PODNL1: variants seen among roughly 807,000 people sequenced by gnomAD.
PODNL1 encodes the protein podocan-like protein 1.
Under a neutral mutation model 45.1 loss-of-function variants are expected in PODNL1, and 50 were observed. That is an observed-to-expected ratio of 1.11 (90% CI 0.88 to 1.40). PODNL1 has a LOEUF of 1.40. Among genes scored for constraint, PODNL1 ranks in the 40% most tolerant of loss-of-function variants. PODNL1 has a pLI of 0.00. For synonymous variants in PODNL1, 406 were observed against 372.5 expected (o/e 1.09, Z -1.04); for missense variants, 788 against 793.3 (o/e 0.99, Z 0.08).
Position 13,933,462 on chromosome 19 carries a change from G to A in PODNL1, c.768-7C>T. On this transcript the variant is annotated splice_region_variant and splice_polypyrimidine_tract_variant and intron_variant, in intron 7 of 9. Coordinates refer to ENST00000588872, the MANE Select transcript of PODNL1 (RefSeq NM_001370095.3). The surrounding 1 kb of genome is among the most constrained non-coding windows in gnomAD (Gnocchi z 5.2). ...TTCAAGGCTATGCAGCTTGCTGGAA[G>A]GAGAGAGGGTCGGTGTTAGGTGGGG... The A allele has an allele frequency of 1.3e-6, 2 of 1,550,976 alleles. No individual in the cohort carries two copies. The highest frequency in any genetic ancestry group is 1.7e-6 in the Non-Finnish European group (2 of 1,149,888).
At chr19:13,934,027 T>TG in intron 6 of PODNL1, 34 bp from the exon 7 acceptor site, 4 of 1,557,070 alleles carry the variant, frequency 2.6e-6, no homozygotes, top group Non-Finnish European at 3.5e-6. Flanking sequence ...GACTTGAGTC[T>TG]GGGATGAGGG....
At chr19:13,943,927 C>A (rs964411371) in intron 1 of PODNL1, among the ~76,000 whole-genome samples, 3 of 152,076 alleles carry the variant, frequency 2.0e-5, no homozygotes, top group East Asian at 1.9e-4. Flanking sequence ...ATCTACCTAT[C>A]TATTTGAGGG....
At chr19:13,944,311 G>A (rs1267495850) in intron 1 of PODNL1, among the ~76,000 whole-genome samples, 10 of 151,662 alleles carry the variant, frequency 6.6e-5, no homozygotes, top group African/African-American at 7.3e-5. Flanking sequence ...ACAGGCACCC[G>A]CCACCATGCC....
At chr19:13,951,081 G>T (rs1973002847) in intron 1 of PODNL1, among the ~76,000 whole-genome samples, 1 of 148,454 alleles carries the variant, frequency 6.7e-6, no homozygotes, top group Non-Finnish European at 1.5e-5. Flanking sequence ...GATATGTTGT[G>T]ATATTGTGTT....
In PODNL1 at chr19:13,953,223, C is replaced by T. The variant is rs1031543803; in HGVS notation, c.-87G>A. 4 of 1,297,690 alleles carry T rather than the reference C, an allele frequency of 3.1e-6. No homozygotes were observed. The African/African-American group carries it at 4.7e-5, about 15-fold the overall frequency. 80.4% of individuals were successfully genotyped at this position (1,297,690 alleles called of 1,614,324 possible). A position where few individuals can be genotyped will look rare whatever the true frequency, so the allele number is the denominator to read the frequency against. On this transcript the variant is annotated 5_prime_UTR_variant, in exon 1 of 8. Coordinates refer to the PODNL1 transcript ENST00000538371. ...AGCAGGCTCTGTCTCCTCCATCAGACTGGAAACTCCCAGAGCTGGGGGATG... is the reference window on the plus strand; with the variant it reads ...AGCAGGCTCTGTCTCCTCCATCAGATTGGAAACTCCCAGAGCTGGGGGATG...
intron 1 of PODNL1, among the ~76,000 whole-genome samples, chr19:13,950,522 T>C (rs1200842451): frequency 6.6e-6 from 1 of 152,176 alleles, no homozygotes; most frequent in Non-Finnish European, 1.5e-5. Context: ...TCTGATGTTG[T>C]CTAATGGTTA....
In PODNL1 at chr19:13,933,555, G is replaced by A. The variant is rs560575571; in HGVS notation, c.768-100C>T. The A allele has an allele frequency of 3.1e-6, 4 of 1,307,492 alleles. No homozygotes were observed. Among genetic ancestry groups the A allele is most frequent in the South Asian group, 3.0e-5 (2 of 67,276 alleles). The allele number at this position is 1,307,492 out of a possible 1,614,324, so 81.0% of individuals were successfully genotyped here. ...GGGAGTGGTCCTGAGACAGATTTAAGCTGGAGATTTTGACTTGGGAGTGAT... is the reference window on the plus strand; with the variant it reads ...GGGAGTGGTCCTGAGACAGATTTAAACTGGAGATTTTGACTTGGGAGTGAT... On this transcript the variant is annotated intron_variant, in intron 7 of 9. Coordinates refer to ENST00000588872, the MANE Select transcript of PODNL1 (RefSeq NM_001370095.3). This position sits in a 1 kb window ranked among gnomAD's most constrained non-coding sequence, Gnocchi z 5.2.
At chr19:13,939,662 G>A (rs1053064353), upstream of PODNL1, among the ~76,000 whole-genome samples, 8 of 152,090 alleles carry the variant, frequency 5.3e-5, no homozygotes, top group South Asian at 4.2e-4. Flanking sequence ...TTAGGCAGGC[G>A]GATCACCTGA....
chr19:13,944,228 C>T (rs1382534739), intron 1 of PODNL1, among the ~76,000 whole-genome samples: 6 of 144,400 alleles, frequency 4.2e-5, no homozygotes, highest in Admixed American at 6.9e-5. Context: ...GGCGCAATCT[C>T]GGCGGCTCAC....
chr19:13,952,410 T>A, intron 1 of PODNL1: 1 of 1,229,196 alleles, frequency 8.1e-7, no homozygotes. Context: ...GTGCGGGCTT[T>A]CGCCCAACCG....
chr19:13,942,443 T>C (rs1331173871), upstream of PODNL1, among the ~76,000 whole-genome samples: 1 of 152,140 alleles, frequency 6.6e-6, no homozygotes, highest in African/African-American at 2.4e-5. Context: ...GCCAGAGGGA[T>C]GGAATGTGCT....
chr19:13,933,155 C>T lies in PODNL1; in HGVS notation c.1068G>A (p.Leu356=). Residue 356 remains leucine (L), a synonymous_variant, in exon 8 of 10, where the codon CTG becomes CTA. Transcript: ENST00000588872. This position sits in a 1 kb window ranked among gnomAD's most constrained non-coding sequence, Gnocchi z 5.2. ...PPALPRRLRA[L]VLPHNHVAAL... ...CGGCCACGTGGTTGTGGGGCAGCAC[C>T]AGGGCACGCAGGCGGCGGGGCAGGG... is the stretch of plus-strand genomic sequence containing the variant. 1 of 1,530,748 alleles carries T rather than the reference C, an allele frequency of 6.5e-7. No homozygotes were observed. The highest frequency in any genetic ancestry group is 8.7e-7 in the Non-Finnish European group (1 of 1,143,694). 94.8% of individuals were successfully genotyped at this position (1,530,748 alleles called of 1,614,324 possible).
At chr19:13,948,267 C>A in intron 1 of PODNL1, among the ~76,000 whole-genome samples, 1 of 150,758 alleles carries the variant, frequency 6.6e-6, no homozygotes, top group Middle Eastern at 3.4e-3. Context: ...GGCGCAATCT[C>A]GGCTCACTGC....
intron 8 of PODNL1, chr19:13,932,480 G>A: frequency 1.6e-6 from 1 of 631,812 alleles, no homozygotes; most frequent in Non-Finnish European, 2.6e-6. Flanking sequence ...TCCTGCCTCA[G>A]CCTCCTGAAT....
Position 13,938,213 on chromosome 19 carries a change from C to A in PODNL1, c.-32G>T, listed in dbSNP as rs1311451650. 13 of 1,607,038 alleles carry A rather than the reference C, an allele frequency of 8.1e-6. No individual in the cohort carries two copies. The highest frequency in any genetic ancestry group is 5.0e-5 in the Admixed American group (3 of 59,424). On this transcript the variant is annotated 5_prime_UTR_variant, in exon 1 of 10. Transcript: ENST00000588872. Reference sequence around the variant, plus strand: ...CCCTGACTCTGCCATCTCGCCCAAGCTGCTGACCAGGACTTCCTAATGGAA... The same window carrying A: ...CCCTGACTCTGCCATCTCGCCCAAGATGCTGACCAGGACTTCCTAATGGAA...
rs1276467112 is a variant in PODNL1 at position 13,933,881 on chromosome 19, A to T, written c.764T>A (p.Phe255Tyr). 3.7e-6 allele frequency: 6 copies of T among 1,603,556 alleles called. No homozygotes were observed. The Admixed American group carries it at 1.0e-4, about 27-fold the overall frequency. Residue 255 changes from phenylalanine (F) to tyrosine (Y), a missense_variant, in exon 7 of 10, where the codon TTC (phenylalanine) becomes TAC (tyrosine). Physicochemically the swap from Phe to Tyr is conservative, Grantham distance 22. Transcript: ENST00000588872. The surrounding 1 kb of genome is among the most constrained non-coding windows in gnomAD (Gnocchi z 5.2). Reference protein sequence around the residue: ...LTDSGLDATTFSKLHSLEYLD... With the variant: ...LTDSGLDATTYSKLHSLEYLD... Reference sequence around the variant, plus strand: ...CTGCCCCCCAACCAGCCTGTACCTGAAGGTGGTGGCATCCAGGCCACTGTC... The same window carrying T: ...CTGCCCCCCAACCAGCCTGTACCTGTAGGTGGTGGCATCCAGGCCACTGTC...
Position 13,931,763 on chromosome 19 carries a change from G to C in PODNL1, c.1699C>G (p.Arg567Gly). The change falls in exon 10 of 10, where the codon CGT becomes GGT. Residue 567 changes from arginine (R) to glycine (G), a missense_variant. This residue lies in a region of PODNL1 where 17 missense variants were observed against 16.7 expected (regional missense o/e 1.02). Coordinates refer to ENST00000588872, the MANE Select transcript of PODNL1 (RefSeq NM_001370095.3). ...VLIRLPPTTP[R>G]GPRAGGP ...CAGGGGCCCCCTGCCCGTGGCCCACGTGGGGTGGTGGGAGGCAGCCGGATC... is the reference window on the plus strand; with the variant it reads ...CAGGGGCCCCCTGCCCGTGGCCCACCTGGGGTGGTGGGAGGCAGCCGGATC... 1.6e-6 allele frequency: 2 copies of C among 1,231,882 alleles called. No homozygotes were observed. Among genetic ancestry groups the C allele is most frequent in the Non-Finnish European group, 1.0e-6 (1 of 987,942 alleles). 76.3% of individuals were successfully genotyped at this position (1,231,882 alleles called of 1,614,324 possible).
chr19:13,936,427 G>GTGTAGGGGA lies in PODNL1; in HGVS notation c.258_259insTCCCCTACA (p.Glu86_Leu87insSerProThr). 6.2e-7 allele frequency: 1 copy of GTGTAGGGGA among 1,613,498 alleles called. No individual in the cohort carries two copies. Among genetic ancestry groups the GTGTAGGGGA allele is most frequent in the Non-Finnish European group, 8.5e-7 (1 of 1,179,646 alleles). On this transcript the variant is annotated inframe_insertion, in exon 3 of 10. Transcript: ENST00000588872. Reference sequence around the variant, plus strand: ...GTTCGCAGGCCACTGAGGCGGGACAGCTCATTGTAGGGGAGTTCCTGGAGC... The same window carrying GTGTAGGGGA: ...GTTCGCAGGCCACTGAGGCGGGACAGTGTAGGGGACTCATTGTAGGGGAGTTCCTGGAGC...
rs1283543991 is a variant in PODNL1, at chr19:13,937,920, C to G, written c.90G>C (p.Glu30Asp). The G allele has an allele frequency of 8.3e-6, 13 of 1,557,124 alleles. No individual in the cohort carries two copies. Among genetic ancestry groups the G allele is most frequent in the Non-Finnish European group, 1.1e-5 (13 of 1,150,568 alleles). ...LEDAAFPHLG[E>D]SLQPLPRACP... is the part of the protein sequence containing the mutation. ...AGGCCCGGGGCAGGGGCTGCAAGCT[C>G]TCCCCCAGGTGGGGGAAGGCAGCGT... is the stretch of plus-strand genomic sequence containing the variant. The change falls in exon 2 of 10, where the codon GAG becomes GAC. Residue 30 changes from glutamate to aspartate, a missense_variant. Coordinates refer to ENST00000588872, the MANE Select transcript of PODNL1 (RefSeq NM_001370095.3).
Sources: gnomAD v4.1 joint callset for allele counts (sites outside exome capture counted in the v4.1 genomes callset) on GRCh38, gnomAD v4.1.1 for gene constraint, gnomAD v4.1.1 regional missense constraint, Gnocchi (gnomAD v3.1) non-coding constraint, MANE v1.5 for transcripts, NCBI Gene and HGNC (gene_info 2026-07-23, HGNC 2026-07-21) for gene names.